The following TBCA variants were observed in gnomAD, a reference collection of about 807,000 sequenced individuals.
TBCA encodes the protein tubulin folding cofactor A.
TBCA carries 6 observed loss-of-function variants against 15.8 expected under a neutral mutation model. That is an observed-to-expected ratio of 0.38 (90% confidence interval 0.21 to 0.75). The LOEUF (loss-of-function observed/expected upper bound fraction) is 0.75. Ranked by LOEUF, TBCA falls within the 30% of genes least tolerant of loss-of-function variation. The probability of loss-of-function intolerance (pLI) is 0.46; values close to 1 mark genes in which losing one functional copy is unlikely to be tolerated. For synonymous variants in TBCA, 32 were observed against 42.3 expected (o/e 0.76, Z 0.94); for missense variants, 90 against 131.2 (o/e 0.69, Z 1.53).
At chr5:77,709,808 AAACAGAAT>A (rs1446136739) in intron 1 of TBCA, among the ~76,000 whole-genome samples, 4 of 152,210 alleles carry the variant, frequency 2.6e-5, no homozygotes, top group African/African-American at 9.7e-5. Flanking sequence ...TATATCCAGA[AAACAGAAT>A]ATTGGGCAAT....
intron 1 of TBCA, among the ~76,000 whole-genome samples, chr5:77,768,007 T>G (rs1747823125): frequency 6.6e-6 from 1 of 152,210 alleles, no homozygotes; most frequent in Non-Finnish European, 1.5e-5. Flanking sequence ...CTTGGGCCCT[T>G]TAATGCTCTT....
At chr5:77,771,653 T>C (rs1359722458) in intron 1 of TBCA, among the ~76,000 whole-genome samples, 1 of 152,164 alleles carries the variant, frequency 6.6e-6, no homozygotes, top group Non-Finnish European at 1.5e-5. Context: ...GAAATGGCCG[T>C]CTTGCACGCA....
At chr5:77,717,302 G>A (rs548384448) in intron 1 of TBCA, among the ~76,000 whole-genome samples, 2 of 152,214 alleles carry the variant, frequency 1.3e-5, no homozygotes, top group Non-Finnish European at 2.9e-5. Context: ...GCAGAAGATT[G>A]TTCTGTAAGT....
At chr5:77,741,454 T>C (rs977449925) in intron 1 of TBCA, among the ~76,000 whole-genome samples, 5 of 152,170 alleles carry the variant, frequency 3.3e-5, no homozygotes, top group African/African-American at 7.2e-5. Flanking sequence ...AGGGGTGCGA[T>C]GCAAGTAAGT....
chr5:77,751,614 C>G (rs1296013615), intron 1 of TBCA, among the ~76,000 whole-genome samples: 2 of 152,088 alleles, frequency 1.3e-5, no homozygotes, highest in Non-Finnish European at 2.9e-5. Flanking sequence ...CCAGAGGCAA[C>G]ATCAATGGCC....
intron 1 of TBCA, among the ~76,000 whole-genome samples, chr5:77,742,305 G>A (rs1747058015): frequency 6.6e-6 from 1 of 152,064 alleles, no homozygotes. Flanking sequence ...TTTCAGATAA[G>A]GAATATTCAA....
intron 3 of TBCA, chr5:77,692,761 G>A (rs771150120): frequency 3.0e-6 from 3 of 997,392 alleles, no homozygotes; most frequent in Non-Finnish European, 3.6e-6. Context: ...ATTTATACCA[G>A]CAAGTATAAG....
At chr5:77,705,346 T>C (rs1344879784) in intron 2 of TBCA, among the ~76,000 whole-genome samples, 1 of 152,086 alleles carries the variant, frequency 6.6e-6, no homozygotes, top group Non-Finnish European at 1.5e-5. Context: ...GAAAACAAGC[T>C]GATGAAGTCC....
intron 1 of TBCA, among the ~76,000 whole-genome samples, chr5:77,712,166 C>T (rs888131253): frequency 7.9e-5 from 12 of 152,140 alleles, no homozygotes; most frequent in Non-Finnish European, 4.4e-5. Flanking sequence ...ACTTCTACTT[C>T]ACTAAATATC....
intron 1 of TBCA, among the ~76,000 whole-genome samples, chr5:77,738,450 G>C (rs530877514): frequency 1.3e-5 from 2 of 152,330 alleles, no homozygotes; most frequent in South Asian, 4.1e-4. Context: ...TTAATATAAA[G>C]TAAGTATAGT....
At chr5:77,700,297 C>A (rs536584706) in intron 2 of TBCA, among the ~76,000 whole-genome samples, 1 of 152,116 alleles carries the variant, frequency 6.6e-6, no homozygotes, top group South Asian at 2.1e-4. Context: ...TATCTGCAAA[C>A]CACGTATCTG....
chr5:77,725,865 A>G (rs536512965), intron 1 of TBCA, among the ~76,000 whole-genome samples: 13 of 152,350 alleles, frequency 8.5e-5, no homozygotes, highest in Admixed American at 6.5e-4. Context: ...TGGAATGCAA[A>G]TAACAAAACG....
chr5:77,726,928 C>T (rs1746641352), intron 1 of TBCA, among the ~76,000 whole-genome samples: 1 of 151,914 alleles, frequency 6.6e-6, no homozygotes, highest in Non-Finnish European at 1.5e-5. Flanking sequence ...ATCTTATATG[C>T]CCAGGTTATG....
chr5:77,776,226 A>C lies in TBCA; in HGVS notation c.32T>G (p.Ile11Ser). The C allele has an allele frequency of 6.3e-7, 1 of 1,576,564 alleles. No individual in the cohort carries two copies. Among genetic ancestry groups the C allele is most frequent in the Non-Finnish European group, 8.6e-7 (1 of 1,162,160 alleles). The change falls in exon 1 of 4, where the codon ATC becomes AGC. Residue 11 changes from isoleucine (I) to serine (S), a missense_variant. By Grantham distance (142) the Ile-to-Ser change is moderately radical (BLOSUM62 -2). Coordinates refer to ENST00000380377, the MANE Select transcript of TBCA (RefSeq NM_004607.3). MADPRVRQIK[I>S]KTGVVKRLVK... Reference sequence around the variant, plus strand: ...TTACCGCTTCACCACGCCGGTCTTGATCTTGATCTGTCTCACGCGAGGATC... The same window carrying C: ...TTACCGCTTCACCACGCCGGTCTTGCTCTTGATCTGTCTCACGCGAGGATC...
At chr5:77,768,147 A>G (rs1420741263) in intron 1 of TBCA, among the ~76,000 whole-genome samples, 1 of 152,194 alleles carries the variant, frequency 6.6e-6, no homozygotes, top group Non-Finnish European at 1.5e-5. Flanking sequence ...AATTTCTCTT[A>G]TTTATAAATT....
chr5:77,756,607 C>A (rs1275994556), intron 1 of TBCA, among the ~76,000 whole-genome samples: 1 of 150,582 alleles, frequency 6.6e-6, no homozygotes, highest in Admixed American at 6.6e-5. Flanking sequence ...AATTAGCATC[C>A]TAAAGAACAA....
At chr5:77,705,011 G>A (rs890161298) in intron 2 of TBCA, among the ~76,000 whole-genome samples, 60 of 152,270 alleles carry the variant, frequency 3.9e-4, no homozygotes, top group African/African-American at 1.4e-3. Flanking sequence ...ATCTGTGTAT[G>A]TAGTCAGTAA....
At chr5:77,700,090 A>C (rs890942709) in intron 2 of TBCA, among the ~76,000 whole-genome samples, 2 of 150,458 alleles carry the variant, frequency 1.3e-5, no homozygotes, top group African/African-American at 4.9e-5. Flanking sequence ...CTGCAGTCCC[A>C]GCTACTTGGG....
intron 1 of TBCA, among the ~76,000 whole-genome samples, chr5:77,741,205 T>C (rs1351997946): frequency 2.0e-5 from 3 of 152,250 alleles, no homozygotes; most frequent in Non-Finnish European, 1.5e-5. Context: ...AGATAATTCC[T>C]TTGCCAAGTG....
Sources: gnomAD v4.1 joint callset for allele counts (sites outside exome capture counted in the v4.1 genomes callset) on GRCh38, gnomAD v4.1.1 for gene constraint, MANE v1.5 for transcripts, NCBI Gene and HGNC (gene_info 2026-07-23, HGNC 2026-07-21) for gene names.